The following ZFP2 variants were observed in gnomAD, a reference collection of about 807,000 sequenced individuals.
ZFP2 encodes ZFP2 zinc finger protein.
ZFP2 carries 33 observed loss-of-function variants against 36.1 expected under a neutral mutation model. That is an observed-to-expected ratio of 0.92 (90% CI 0.69 to 1.22). The LOEUF is 1.22. Among genes scored for constraint, ZFP2 ranks in the 50% most tolerant of loss-of-function variants. ZFP2 has a pLI of 0.00. For synonymous variants in ZFP2, 170 were observed against 178.0 expected, an observed-to-expected ratio of 0.96 and a Z score of 0.36; for missense variants, 522 against 551.4, an observed-to-expected ratio of 0.95 and a Z score of 0.53.
chr5:178,904,004 GAA>G, intron 1 of ZFP2, among the ~76,000 whole-genome samples: 1 of 140,260 alleles, frequency 7.1e-6, no homozygotes, highest in South Asian at 2.2e-4. Context: ...AAAGAAAAAA[GAA>G]AAAAAAAAGA....
intron 4 of ZFP2, among the ~76,000 whole-genome samples, chr5:178,925,303 A>G (rs1392236360): frequency 6.7e-6 from 1 of 148,762 alleles, no homozygotes; most frequent in Non-Finnish European, 1.5e-5. Flanking sequence ...TTTTTTGATG[A>G]TGGGCATTTG....
intron 1 of ZFP2, among the ~76,000 whole-genome samples, chr5:178,898,678 G>A (rs1441668121): frequency 8.5e-5 from 13 of 152,174 alleles, no homozygotes; most frequent in Admixed American, 6.5e-4. Flanking sequence ...GAGCTCGGGT[G>A]AGCTCATTTT....
intron 4 of ZFP2, among the ~76,000 whole-genome samples, chr5:178,918,605 A>G (rs1021493777): frequency 2.0e-5 from 3 of 152,200 alleles, no homozygotes; most frequent in Admixed American, 6.5e-5. Context: ...TCAGAGTTAT[A>G]TAAATCCTAT....
intron 3 of ZFP2, among the ~76,000 whole-genome samples, chr5:178,914,700 A>G (rs1462114917): frequency 6.6e-6 from 1 of 152,186 alleles, no homozygotes; most frequent in Non-Finnish European, 1.5e-5. Context: ...GAAGGGAGGA[A>G]ATGAATATAA....
chr5:178,930,991 T>C (rs1222797448), intron 4 of ZFP2, among the ~76,000 whole-genome samples: 2 of 152,338 alleles, frequency 1.3e-5, no homozygotes, highest in Admixed American at 1.3e-4. Flanking sequence ...CACTCTTTTC[T>C]CTGCTTATGC....
chr5:178,929,942 T>TGGTG (rs1277868749), intron 4 of ZFP2, among the ~76,000 whole-genome samples: 1 of 131,900 alleles, frequency 7.6e-6, no homozygotes, highest in Non-Finnish European at 1.7e-5. Context: ...TGCTTGACGG[T>TGGTG]GGGGGGGGGG....
chr5:178,897,010 C>T (rs1373835642), intron 1 of ZFP2, among the ~76,000 whole-genome samples: 1 of 151,080 alleles, frequency 6.6e-6, no homozygotes. Context: ...TGAATCCTCT[C>T]CTTAGGTTTT....
chr5:178,926,890 G>A (rs1758686108), intron 4 of ZFP2, among the ~76,000 whole-genome samples: 1 of 152,192 alleles, frequency 6.6e-6, no homozygotes, highest in Admixed American at 6.5e-5. Context: ...TGTTTTGGAA[G>A]TGGAGCCTGG....
chr5:178,917,502 C>A (rs1758460508), intron 4 of ZFP2, among the ~76,000 whole-genome samples: 1 of 152,072 alleles, frequency 6.6e-6, no homozygotes. Context: ...ATAATTCCAG[C>A]TACTCAGGAG....
At chr5:178,908,381 A>G (rs1399550260) in intron 1 of ZFP2, among the ~76,000 whole-genome samples, 2 of 151,426 alleles carry the variant, frequency 1.3e-5, no homozygotes, top group Non-Finnish European at 2.9e-5. Flanking sequence ...TGGGAGGTGG[A>G]GCTTGTAGTG....
chr5:178,917,385 C>T (rs562749862), intron 4 of ZFP2, among the ~76,000 whole-genome samples: 13 of 152,134 alleles, frequency 8.5e-5, no homozygotes, highest in African/African-American at 2.9e-4. Context: ...GAGGCTGAGG[C>T]GGGCAGATCT....
chr5:178,932,638 A>C lies in ZFP2; in HGVS notation c.1325A>C (p.Glu442Ala). ...HTGEKPYQCN[E>A]CGKAFSRSTN... is the part of the protein sequence containing the mutation. ...GGAGAGAAACCCTATCAGTGTAATG[A>C]ATGCGGAAAAGCCTTCAGCCGGAGT... is the stretch of plus-strand genomic sequence containing the variant. Residue 442 changes from glutamate to alanine, a missense_variant, in exon 5 of 5, where the codon GAA becomes GCA. By Grantham distance (107) the Glu-to-Ala change is moderately radical. Coordinates refer to ENST00000361362, the MANE Select transcript of ZFP2 (RefSeq NM_030613.4). The C allele has an allele frequency of 6.2e-7, 1 of 1,613,308 alleles. No homozygotes were observed. The highest frequency in any genetic ancestry group is 1.7e-4 in the Middle Eastern group (1 of 6,056).
intron 1 of ZFP2, among the ~76,000 whole-genome samples, chr5:178,911,524 T>C (rs72816625): frequency 0.16 from 24,061 of 152,172 alleles, 2,372 homozygotes; most frequent in Non-Finnish European, 0.23. Flanking sequence ...AGAAAGACTT[T>C]TATGATGATC....
At chr5:178,910,174 C>T (rs1758262205) in intron 1 of ZFP2, 4 of 1,512,468 alleles carry the variant, frequency 2.6e-6, no homozygotes, top group Non-Finnish European at 2.8e-6. Flanking sequence ...GCTTTGCAGC[C>T]ATCAAAAATC....
chr5:178,932,826 A>G lies in ZFP2; in HGVS notation c.*127A>G. 8.6e-7 allele frequency: 1 copy of G among 1,159,540 alleles called. No homozygotes were observed. The highest frequency in any genetic ancestry group is 1.2e-6 in the Non-Finnish European group (1 of 838,360). The allele number at this position is 1,159,540 out of a possible 1,614,324, so 71.8% of individuals were successfully genotyped here. A position where few individuals can be genotyped will look rare whatever the true frequency, so the allele number is the denominator to read the frequency against. Reference sequence around the variant, plus strand: ...TTTCAGTTGAAGTACAATATGTCATATCAGATAATACCACTGCAGAGAATC... The same window carrying G: ...TTTCAGTTGAAGTACAATATGTCATGTCAGATAATACCACTGCAGAGAATC... On this transcript the variant is annotated 3_prime_UTR_variant, in exon 5 of 5. Coordinates refer to ENST00000361362, the MANE Select transcript of ZFP2 (RefSeq NM_030613.4).
chr5:178,927,642 G>A (rs2113122263), intron 4 of ZFP2, among the ~76,000 whole-genome samples: 1 of 149,402 alleles, frequency 6.7e-6, no homozygotes, highest in Non-Finnish European at 1.5e-5. Context: ...GATTACAGGT[G>A]CACACCATCA....
At chr5:178,903,488 AT>A (rs1318921214) in intron 1 of ZFP2, among the ~76,000 whole-genome samples, 1 of 152,286 alleles carries the variant, frequency 6.6e-6, no homozygotes, top group South Asian at 2.1e-4. Context: ...CCCTTTGCCC[AT>A]TTTTATATTG....
chr5:178,896,218 C>A (rs1757933353), intron 1 of ZFP2, among the ~76,000 whole-genome samples: 1 of 152,210 alleles, frequency 6.6e-6, no homozygotes, highest in African/African-American at 2.4e-5. Flanking sequence ...TGTCCTTCGG[C>A]GCTGTCCTGG....
chr5:178,901,031 T>C (rs1350670684), intron 1 of ZFP2, among the ~76,000 whole-genome samples: 1 of 152,242 alleles, frequency 6.6e-6, no homozygotes, highest in African/African-American at 2.4e-5. Context: ...TTGTCTTAAG[T>C]AGTACACAGT....
Sources: gnomAD v4.1 joint callset for allele counts (sites outside exome capture counted in the v4.1 genomes callset) on GRCh38, gnomAD v4.1.1 for gene constraint, MANE v1.5 for transcripts, NCBI Gene and HGNC (gene_info 2026-07-23, HGNC 2026-07-21) for gene names.